SHISA5: variants seen among roughly 807,000 people sequenced by gnomAD.
The protein encoded by SHISA5 is shisa family member 5, also known as protein shisa-5.
In SHISA5, 21 loss-of-function variants were observed where a neutral mutation model predicts 27.5. That is an observed-to-expected ratio of 0.76 (90% CI 0.54 to 1.10). The LOEUF (loss-of-function observed/expected upper bound fraction) is 1.10, where lower values mean the gene tolerates loss of function less well. Among genes scored for constraint, SHISA5 ranks in the 50% least tolerant of loss-of-function variants. The probability of loss-of-function intolerance (pLI) is 0.00; values close to 1 mark genes in which losing one functional copy is unlikely to be tolerated. For synonymous variants in SHISA5, 137 were observed against 142.2 expected (o/e 0.96, Z 0.26); for missense variants, 314 against 336.3 (o/e 0.93, Z 0.52).
chr3:48,493,431 G>A (rs2041481317), intron 2 of SHISA5, among the ~76,000 whole-genome samples: 1 of 145,772 alleles, frequency 6.9e-6, no homozygotes, highest in African/African-American at 2.8e-5. Flanking sequence ...TACAGCCTGG[G>A]TGACAGAGTG....
intron 2 of SHISA5, among the ~76,000 whole-genome samples, chr3:48,495,672 C>T (rs1283209523): frequency 2.7e-5 from 4 of 146,802 alleles, no homozygotes; most frequent in Admixed American, 2.0e-4. Context: ...CAGGTGCATG[C>T]CACCACGCCT....
chr3:48,475,765 G>A (rs980190211), intron 3 of SHISA5, among the ~76,000 whole-genome samples: 4 of 152,234 alleles, frequency 2.6e-5, no homozygotes, highest in Non-Finnish European at 4.4e-5. Context: ...TCCTGTGAGT[G>A]CAAGGAGCTG....
At chr3:48,484,809 C>T (rs1455147821) in intron 2 of SHISA5, among the ~76,000 whole-genome samples, 2 of 152,160 alleles carry the variant, frequency 1.3e-5, no homozygotes, top group African/African-American at 4.8e-5. Flanking sequence ...AGGAGAATCG[C>T]TTGAACCCAG....
chr3:48,496,422 T>C (rs1237320639), intron 2 of SHISA5, among the ~76,000 whole-genome samples: 3 of 151,732 alleles, frequency 2.0e-5, no homozygotes, highest in Admixed American at 1.3e-4. Flanking sequence ...TGAAACCCCG[T>C]CTCTACTAAA....
chr3:48,481,087 C>A (rs1415515935), intron 2 of SHISA5, among the ~76,000 whole-genome samples: 2 of 151,806 alleles, frequency 1.3e-5, no homozygotes, highest in African/African-American at 4.8e-5. Flanking sequence ...AAGAGCGAGA[C>A]TCCATCTTGA....
intron 2 of SHISA5, among the ~76,000 whole-genome samples, chr3:48,500,850 G>A (rs2041732163): frequency 1.3e-5 from 2 of 152,156 alleles, no homozygotes; most frequent in Admixed American, 6.5e-5. Context: ...CACACCCGGG[G>A]TGAGTCACAG....
intron 2 of SHISA5, among the ~76,000 whole-genome samples, chr3:48,479,909 T>TTC (rs1446108245): frequency 7.1e-6 from 1 of 140,862 alleles, no homozygotes; most frequent in East Asian, 2.2e-4. Context: ...CACAAAGTTT[T>TTC]TTTTTTTTTT....
chr3:48,486,905 G>C (rs1199404562), intron 2 of SHISA5, among the ~76,000 whole-genome samples: 1 of 142,668 alleles, frequency 7.0e-6, no homozygotes, highest in Non-Finnish European at 1.5e-5. Context: ...GGGTGACAGA[G>C]ACAAGACTCC....
intron 3 of SHISA5, among the ~76,000 whole-genome samples, chr3:48,478,571 A>G (rs1286956454): frequency 6.6e-6 from 1 of 152,070 alleles, no homozygotes; most frequent in Non-Finnish European, 1.5e-5. Flanking sequence ...TACGGTGGCA[A>G]TAACACAGGC....
rs1448166025 is a variant in SHISA5 at position 48,473,814 on chromosome 3, A to G, written c.315-3971T>C. Among the ~76,000 whole-genome samples the G allele has an allele frequency of 6.6e-6, 1 of 152,154 alleles. No individual in the cohort carries two copies. The highest frequency in any genetic ancestry group is 2.4e-5 in the African/African-American group (1 of 41,430). ...AGTGGCTCACACCTGCAATCCCAGC[A>G]CTTTGGGAGGCCGAGGCTTTTGGGA... is the stretch of plus-strand genomic sequence containing the variant. On this transcript the variant is annotated intron_variant, in intron 3 of 5. Transcript: ENST00000296444. The surrounding 1 kb of genome is among the most constrained non-coding windows in gnomAD (Gnocchi z 4.3).
intron 2 of SHISA5, among the ~76,000 whole-genome samples, chr3:48,486,698 G>A (rs2041259684): frequency 7.0e-6 from 1 of 143,688 alleles, no homozygotes; most frequent in African/African-American, 2.6e-5. Context: ...TTTGAGACCA[G>A]CTTGATCAAC....
intron 2 of SHISA5, among the ~76,000 whole-genome samples, chr3:48,495,445 T>C (rs2041514193): frequency 6.9e-6 from 1 of 144,710 alleles, no homozygotes; most frequent in Non-Finnish European, 1.5e-5. Flanking sequence ...GAAACTCCCA[T>C]ACATTTGGTC....
intron 3 of SHISA5, 146 bp downstream of exon 3, chr3:48,479,031 T>C (rs944302571): frequency 2.9e-6 from 2 of 696,216 alleles, no homozygotes; most frequent in African/African-American, 3.6e-5. Flanking sequence ...AAGGAGCAAG[T>C]GTCCTAGTGG....
intron 3 of SHISA5, among the ~76,000 whole-genome samples, chr3:48,477,617 GA>G (rs1013142103): frequency 6.6e-6 from 1 of 152,142 alleles, no homozygotes; most frequent in African/African-American, 2.4e-5. Context: ...ACTCTCCAAG[GA>G]GTTGCCTGCG....
chr3:48,488,550 A>G (rs193155695), intron 2 of SHISA5, among the ~76,000 whole-genome samples: 41 of 143,822 alleles, frequency 2.9e-4, no homozygotes, highest in Non-Finnish European at 3.2e-4. Flanking sequence ...AAAATGTGAA[A>G]AGGCCGGGCG....
In SHISA5 at chr3:48,469,766, G is replaced by C; in HGVS notation, c.392C>G (p.Ser131Cys). 1 of 1,614,122 alleles carries C rather than the reference G, an allele frequency of 6.2e-7. No homozygotes were observed. The highest frequency in any genetic ancestry group is 8.5e-7 in the Non-Finnish European group (1 of 1,180,000). The change falls in exon 4 of 6, where the codon TCC becomes TGC. Residue 131 changes from serine to cysteine, a missense_variant. Coordinates refer to ENST00000296444, the MANE Select transcript of SHISA5 (RefSeq NM_016479.6). The surrounding 1 kb of genome is among the most constrained non-coding windows in gnomAD (Gnocchi z 4.6). ...GCACGTCTTGTAAAGGCAGCAGCAG[G>C]AGCAGGTGAAGCAGATGATGATAGT... ...VVTIIICFTC[S>C]CCCLYKTCRR... is the part of the protein sequence containing the mutation.
rs555915094 is a variant in SHISA5, at chr3:48,489,055, G to A, written c.234-9798C>T. Among the ~76,000 whole-genome samples, 9 of 152,224 alleles carry A rather than the reference G, an allele frequency of 5.9e-5. No homozygotes were observed. In the South Asian group the frequency reaches 1.7e-3, roughly 28 times the overall value. On this transcript the variant is annotated intron_variant, in intron 2 of 5. Transcript: ENST00000296444. ...GAGAAAGGGGATGAAGTGAAGGAAG[G>A]CTGTCGGACATCTAAGATCCTACAG...
At position 48,467,913 on chromosome 3, in the gene SHISA5, C is replaced by T. The variant is rs1366212856; in HGVS notation, c.*1194G>A. On this transcript the variant is annotated 3_prime_UTR_variant, in exon 6 of 6. Coordinates refer to ENST00000296444, the MANE Select transcript of SHISA5 (RefSeq NM_016479.6). ...CATTTATTATAAACAAGTGTACAGA[C>T]CCTAGACTCAGAAACACAACAGATT... 5.1e-6 allele frequency: 2 copies of T among 388,862 alleles called. No homozygotes were observed. Among genetic ancestry groups the T allele is most frequent in the Admixed American group, 8.5e-5 (2 of 23,664 alleles). 24.1% of individuals were successfully genotyped at this position (388,862 alleles called of 1,614,324 possible).
intron 2 of SHISA5, among the ~76,000 whole-genome samples, chr3:48,483,424 G>A (rs1355369691): frequency 6.6e-6 from 1 of 152,154 alleles, no homozygotes; most frequent in East Asian, 1.9e-4. Flanking sequence ...TAGATCAACA[G>A]GATCCCAAGG....
Sources: gnomAD v4.1 joint callset for allele counts (sites outside exome capture counted in the v4.1 genomes callset) on GRCh38, gnomAD v4.1.1 for gene constraint, Gnocchi (gnomAD v3.1) non-coding constraint, MANE v1.5 for transcripts, NCBI Gene and HGNC (gene_info 2026-07-23, HGNC 2026-07-21) for gene names.